Variants in SIGLECL1 observed in about 807,000 individuals in gnomAD.
The protein encoded by SIGLECL1 is SIGLEC family like 1.
SIGLECL1 carries 16 observed loss-of-function variants against 19.1 expected under a neutral mutation model. That is an observed-to-expected ratio of 0.84 (90% CI 0.57 to 1.27). SIGLECL1 has a LOEUF of 1.27. Among genes scored for constraint, SIGLECL1 ranks in the 50% most tolerant of loss-of-function variants. SIGLECL1 has a pLI of 0.00. For missense variants in SIGLECL1, 210 were observed against 239.4 expected, an observed-to-expected ratio of 0.88 and a Z score of 0.81; for synonymous variants, 89 against 90.4, an observed-to-expected ratio of 0.98 and a Z score of 0.09.
chr19:51,268,513 C>A (rs372270764), intron 5 of SIGLECL1, 58 bp from the exon 6 acceptor site: 102 of 1,587,856 alleles, frequency 6.4e-5, no homozygotes, highest in Non-Finnish European at 8.4e-5. Context: ...GGATACCTCA[C>A]CTCTAGACCT....
chr19:51,266,694 T>A (rs140753606), intron 4 of SIGLECL1, among the ~76,000 whole-genome samples: 1 of 152,158 alleles, frequency 6.6e-6, no homozygotes, highest in Non-Finnish European at 1.5e-5. Flanking sequence ...TTGAAAGACA[T>A]CCTTGGTGTT....
chr19:51,256,846 A>T (rs774411878), intron 1 of SIGLECL1, among the ~76,000 whole-genome samples: 41 of 152,132 alleles, frequency 2.7e-4, no homozygotes, highest in Non-Finnish European at 1.3e-4. Context: ...AAATTCTATA[A>T]TCTCATCTCT....
intron 1 of SIGLECL1, among the ~76,000 whole-genome samples, chr19:51,258,729 AT>A (rs1982986312): frequency 6.6e-6 from 1 of 152,212 alleles, no homozygotes; most frequent in African/African-American, 2.4e-5. Context: ...AAAGACGAAC[AT>A]TTCCAAGAGG....
At chr19:51,252,886 A>G (rs567615691) in intron 1 of SIGLECL1, among the ~76,000 whole-genome samples, 1 of 152,104 alleles carries the variant, frequency 6.6e-6, no homozygotes, top group African/African-American at 2.4e-5. Flanking sequence ...GCACTTTGGG[A>G]GGCTGAGGTG....
intron 1 of SIGLECL1, among the ~76,000 whole-genome samples, chr19:51,253,852 A>C (rs771037429): frequency 1.3e-5 from 2 of 152,114 alleles, no homozygotes; most frequent in Non-Finnish European, 2.9e-5. Context: ...ACTTTTGTGG[A>C]TCTCTGCCTT....
At chr19:51,266,374 C>T (rs145450070) in intron 4 of SIGLECL1, among the ~76,000 whole-genome samples, 153 of 152,072 alleles carry the variant, frequency 1.0e-3, no homozygotes, top group African/African-American at 3.4e-3. Flanking sequence ...ATTTCATGCA[C>T]AAAATAATTT....
intron 4 of SIGLECL1, among the ~76,000 whole-genome samples, chr19:51,266,268 C>T (rs1442980172): frequency 6.6e-6 from 1 of 152,056 alleles, no homozygotes; most frequent in African/African-American, 2.4e-5. Flanking sequence ...ATCCGAAATG[C>T]TCCAAAGTCC....
intron 4 of SIGLECL1, 128 bp from the exon 5 acceptor site, chr19:51,267,245 G>A (rs1344643514): frequency 8.9e-7 from 1 of 1,121,818 alleles, no homozygotes; most frequent in East Asian, 2.4e-5. Context: ...TGTGTGGCTT[G>A]CCCTAGGTCA....
At chr19:51,260,138 T>C (rs1267199727) in intron 1 of SIGLECL1, among the ~76,000 whole-genome samples, 1 of 152,232 alleles carries the variant, frequency 6.6e-6, no homozygotes, top group African/African-American at 2.4e-5. Context: ...GAATTCACTA[T>C]AGCCAGTATC....
chr19:51,268,889 A>G lies in SIGLECL1; in HGVS notation c.*292A>G. The G allele has an allele frequency of 2.8e-6, 1 of 352,740 alleles. No individual in the cohort carries two copies. The highest frequency in any genetic ancestry group is 4.3e-5 in the Admixed American group (1 of 23,100). The allele number at this position is 352,740 out of a possible 1,614,324, so 21.9% of individuals were successfully genotyped here. On this transcript the variant is annotated 3_prime_UTR_variant, in exon 6 of 6. Coordinates refer to ENST00000601727, the MANE Select transcript of SIGLECL1 (RefSeq NM_001385465.1). ...TGCCACCCTGGGAAGGTGTCAAAAG[A>G]AGGAAAAATACATGTGACAATATGA... is the stretch of plus-strand genomic sequence containing the variant.
Position 51,268,831 on chromosome 19 carries a change from A to G in SIGLECL1, c.*234A>G. 1 of 467,574 alleles carries G rather than the reference A, an allele frequency of 2.1e-6. No individual in the cohort carries two copies. The highest frequency in any genetic ancestry group is 3.8e-5 in the South Asian group (1 of 26,138). 29.0% of individuals were successfully genotyped at this position (467,574 alleles called of 1,614,324 possible). A position where few individuals can be genotyped will look rare whatever the true frequency, so the allele number is the denominator to read the frequency against. On this transcript the variant is annotated 3_prime_UTR_variant, in exon 6 of 6. Coordinates refer to ENST00000601727, the MANE Select transcript of SIGLECL1 (RefSeq NM_001385465.1). ...TAGAACCTCTGAAGACACACTTTGTAATTTGTTGTTTGGCTAAATGAGAAG... is the reference window on the plus strand; with the variant it reads ...TAGAACCTCTGAAGACACACTTTGTGATTTGTTGTTTGGCTAAATGAGAAG...
rs758446109 is a variant in SIGLECL1 at position 51,268,562 on chromosome 19, C to T, written c.568-9C>T. Reference sequence around the variant, plus strand: ...TTTTTCTTTGTTCTATTTTGCACCTCGCTTTCAGGAAAAGCAAGATAAACG... The same window carrying T: ...TTTTTCTTTGTTCTATTTTGCACCTTGCTTTCAGGAAAAGCAAGATAAACG... On this transcript the variant is annotated splice_polypyrimidine_tract_variant and intron_variant, in intron 5 of 5. Coordinates refer to ENST00000601727, the MANE Select transcript of SIGLECL1 (RefSeq NM_001385465.1). The T allele has an allele frequency of 3.7e-6, 6 of 1,613,716 alleles. No homozygotes were observed. Among genetic ancestry groups the T allele is most frequent in the South Asian group, 2.2e-5 (2 of 91,062 alleles).
chr19:51,261,297 T>C (rs28866647), intron 1 of SIGLECL1, among the ~76,000 whole-genome samples: 1 of 152,170 alleles, frequency 6.6e-6, no homozygotes, highest in South Asian at 2.1e-4. Flanking sequence ...TTTTCTTTTT[T>C]TCTTTTTTTG....
chr19:51,252,305 A>AG (rs1024331361), intron 1 of SIGLECL1, among the ~76,000 whole-genome samples: 1 of 151,990 alleles, frequency 6.6e-6, no homozygotes, highest in Non-Finnish European at 1.5e-5. Flanking sequence ...TCAAAAAAAA[A>AG]AAAAGAAAAG....
chr19:51,249,310 G>A (rs1322231848), upstream of SIGLECL1, among the ~76,000 whole-genome samples: 3 of 152,142 alleles, frequency 2.0e-5, no homozygotes, highest in Non-Finnish European at 4.4e-5. Context: ...GCTGGCAGAT[G>A]TTTAGGTAAT....
At chr19:51,265,986 G>C (rs1983642364) in intron 4 of SIGLECL1, 104 bp downstream of exon 4, 1 of 1,126,176 alleles carries the variant, frequency 8.9e-7, no homozygotes, top group Non-Finnish European at 1.3e-6. Flanking sequence ...CCCTCAAGGA[G>C]CTTAGGGTCT....
chr19:51,259,731 G>A (rs1444245549), intron 1 of SIGLECL1, among the ~76,000 whole-genome samples: 4 of 152,300 alleles, frequency 2.6e-5, no homozygotes, highest in East Asian at 3.9e-4. Context: ...AAAGAGTCTC[G>A]TAATAAAATG....
intron 1 of SIGLECL1, among the ~76,000 whole-genome samples, chr19:51,255,263 GAAA>G (rs113540507): frequency 3.2e-5 from 3 of 92,618 alleles, no homozygotes; most frequent in Non-Finnish European, 8.0e-5. Context: ...CCTGTCTCAA[GAAA>G]AAAAAAAAAA....
rs1303817723 is a variant in SIGLECL1 at position 51,265,420 on chromosome 19, C to A, written c.75C>A (p.Cys25Ter). 2 of 1,614,136 alleles carry A rather than the reference C, an allele frequency of 1.2e-6. No homozygotes were observed. The highest frequency in any genetic ancestry group is 1.7e-5 in the Admixed American group (1 of 60,030). ...SSCSLEKTLQ[C>*]SCSFHGIPTP... ...GCTCCTTGGAGAAGACACTGCAGTG[C>A]AGCTGTTCCTTCCATGGGATTCCCA... The change falls in exon 3 of 6, where the codon TGC (cysteine) becomes TGA (stop). Residue 25 changes from cysteine to a stop codon, truncating the protein, a stop_gained. Coordinates refer to ENST00000601727, the MANE Select transcript of SIGLECL1 (RefSeq NM_001385465.1). LOFTEE classifies it high-confidence loss of function.
Sources: gnomAD v4.1 joint callset for allele counts (sites outside exome capture counted in the v4.1 genomes callset) on GRCh38, gnomAD v4.1.1 for gene constraint, MANE v1.5 for transcripts, NCBI Gene and HGNC (gene_info 2026-07-23, HGNC 2026-07-21) for gene names.